RALGAPA2: variants seen among roughly 807,000 people sequenced by gnomAD.
The protein encoded by RALGAPA2 is ral GTPase-activating protein subunit alpha-2.
RALGAPA2 carries 139 observed loss-of-function variants against 230.4 expected under a neutral mutation model. That is an observed-to-expected ratio of 0.60 (90% CI 0.53 to 0.69). RALGAPA2 has a LOEUF of 0.69. Ranked by LOEUF, RALGAPA2 falls within the 30% of genes least tolerant of loss-of-function variation. RALGAPA2 has a pLI of 0.00. For synonymous variants in RALGAPA2, 847 were observed against 837.8 expected (o/e 1.01, Z -0.19); for missense variants, 2,163 against 2,276.0 (o/e 0.95, Z 1.01).
At chr20:20,480,035 C>T (rs1051593599) in intron 36 of RALGAPA2, among the ~76,000 whole-genome samples, 45 of 152,180 alleles carry the variant, frequency 3.0e-4, no homozygotes, top group African/African-American at 1.1e-3. Context: ...ATAGATCTAA[C>T]AAGGAAAGTA....
intron 1 of RALGAPA2, among the ~76,000 whole-genome samples, chr20:20,704,214 G>A (rs1413111745): frequency 2.0e-5 from 3 of 152,198 alleles, no homozygotes; most frequent in Non-Finnish European, 2.9e-5. Flanking sequence ...AGAGGAAGAG[G>A]TGTCCCTCTT....
chr20:20,583,637 C>A (rs1456271063), intron 19 of RALGAPA2, among the ~76,000 whole-genome samples: 2 of 152,152 alleles, frequency 1.3e-5, no homozygotes, highest in African/African-American at 2.4e-5. Flanking sequence ...TCTAAAGATG[C>A]TGTATGCCCC....
intron 1 of RALGAPA2, among the ~76,000 whole-genome samples, chr20:20,688,215 A>G (rs538260331): frequency 6.6e-6 from 1 of 152,216 alleles, no homozygotes; most frequent in East Asian, 1.9e-4. Flanking sequence ...TGTCTCCTGG[A>G]GAATCACTTG....
intron 13 of RALGAPA2, among the ~76,000 whole-genome samples, chr20:20,611,734 C>G (rs960047101): frequency 2.6e-5 from 4 of 152,198 alleles, no homozygotes; most frequent in Admixed American, 2.6e-4. Context: ...ACTGTGCCAG[C>G]AGCTTAAAGG....
chr20:20,675,487 C>T (rs1321481724), intron 3 of RALGAPA2, among the ~76,000 whole-genome samples: 2 of 152,178 alleles, frequency 1.3e-5, no homozygotes, highest in African/African-American at 4.8e-5. Flanking sequence ...TCTTCTCACA[C>T]TAACCTAAGC....
rs571358561 is a variant in RALGAPA2 at position 20,481,666 on chromosome 20, C to T, written c.5368-8710G>A. Among the ~76,000 whole-genome samples the T allele has an allele frequency of 3.3e-5, 5 of 152,274 alleles. No homozygotes were observed. In the South Asian group the frequency reaches 8.3e-4, roughly 25 times the overall value. ...CACACATATACCTATAATGTGAACA[C>T]AGGATGTGTACACAGAATATAAAAA... On this transcript the variant is annotated intron_variant, in intron 36 of 39. Transcript: ENST00000202677.
intron 37 of RALGAPA2, among the ~76,000 whole-genome samples, chr20:20,422,616 C>T (rs1046482727): frequency 6.6e-6 from 1 of 152,136 alleles, no homozygotes; most frequent in Non-Finnish European, 1.5e-5. Context: ...GCAGTGCACA[C>T]TATGTACTGT....
chr20:20,392,204 A>C lies in RALGAPA2; in HGVS notation c.*1085T>G, dbSNP rs1451197796. 2 of 152,262 alleles carry C rather than the reference A, an allele frequency of 1.3e-5. No individual in the cohort carries two copies. The highest frequency in any genetic ancestry group is 2.9e-5 in the Non-Finnish European group (2 of 68,054). 9.4% of individuals were successfully genotyped at this position (152,262 alleles called of 1,614,324 possible). A position where few individuals can be genotyped will look rare whatever the true frequency, so the allele number is the denominator to read the frequency against. ...TTTTTAAGAAAAAAAAACAACAACA[A>C]CAAAAAAACAGGTCTAATAAGCCTT... On this transcript the variant is annotated 3_prime_UTR_variant, in exon 40 of 40. Transcript: ENST00000202677.
chr20:20,619,468 C>T (rs1017192326), intron 11 of RALGAPA2, 54 bp from the exon 12 acceptor site: 7 of 1,309,540 alleles, frequency 5.3e-6, no homozygotes, highest in Middle Eastern at 2.0e-4. Flanking sequence ...GTTTAACTTG[C>T]ATTTAACTAT....
chr20:20,653,326 T>C (rs1246350745), intron 4 of RALGAPA2, among the ~76,000 whole-genome samples: 2 of 150,646 alleles, frequency 1.3e-5, no homozygotes, highest in Non-Finnish European at 3.0e-5. Context: ...TGAACTATAC[T>C]CTAAGGAGCA....
chr20:20,627,565 C>A (rs1293028488), intron 10 of RALGAPA2, among the ~76,000 whole-genome samples: 2 of 152,178 alleles, frequency 1.3e-5, no homozygotes, highest in Non-Finnish European at 2.9e-5. Flanking sequence ...TTAGTTAGGT[C>A]TAAAAGCCCT....
At chr20:20,618,116 C>T (rs1159871452) in intron 12 of RALGAPA2, among the ~76,000 whole-genome samples, 2 of 152,256 alleles carry the variant, frequency 1.3e-5, no homozygotes, top group East Asian at 1.9e-4. Flanking sequence ...TTAAAGTCGC[C>T]ATTTCCAAGA....
At chr20:20,556,470 C>T (rs1004067086) in intron 23 of RALGAPA2, among the ~76,000 whole-genome samples, 1 of 152,132 alleles carries the variant, frequency 6.6e-6, no homozygotes, top group African/African-American at 2.4e-5. Flanking sequence ...CCAGCTGCAC[C>T]AATAGTGCCT....
intron 4 of RALGAPA2, among the ~76,000 whole-genome samples, chr20:20,645,759 T>C (rs569370985): frequency 1.3e-5 from 2 of 152,318 alleles, no homozygotes; most frequent in South Asian, 4.1e-4. Context: ...TAACCTAAGT[T>C]AGTAACTTCA....
At chr20:20,582,161 AGTGT>A (rs35240382) in intron 20 of RALGAPA2, among the ~76,000 whole-genome samples, 1,930 of 146,122 alleles carry the variant, frequency 0.013, 36 homozygotes, top group African/African-American at 0.042. Context: ...AGTGTCACAC[AGTGT>A]GTGTGTGTGT....
At chr20:20,498,707 C>A (rs191299989) in intron 35 of RALGAPA2, among the ~76,000 whole-genome samples, 1 of 152,218 alleles carries the variant, frequency 6.6e-6, no homozygotes, top group Non-Finnish European at 1.5e-5. Context: ...CCTGCCAGAA[C>A]AGCGCTGCCT....
chr20:20,451,421 C>T (rs1299112217), intron 37 of RALGAPA2, among the ~76,000 whole-genome samples: 3 of 152,040 alleles, frequency 2.0e-5, no homozygotes, highest in African/African-American at 7.3e-5. Flanking sequence ...CTATATTACC[C>T]TCTTAGGTTG....
At chr20:20,503,291 T>C in intron 35 of RALGAPA2, 60 bp downstream of exon 35, 1 of 1,395,186 alleles carries the variant, frequency 7.2e-7, no homozygotes, top group Non-Finnish European at 9.7e-7. Context: ...TTGTCTGTCC[T>C]AGGAGAGCCT....
chr20:20,422,694 C>T (rs997113781), intron 37 of RALGAPA2, among the ~76,000 whole-genome samples: 8 of 152,198 alleles, frequency 5.3e-5, no homozygotes, highest in Admixed American at 1.3e-4. Flanking sequence ...GATGGCCTGG[C>T]ACAGCAAAAG....
Sources: allele counts gnomAD v4.1 joint callset (sites outside exome capture counted in the v4.1 genomes callset), GRCh38; gene constraint gnomAD v4.1.1; transcripts MANE v1.5; gene names NCBI Gene and HGNC (gene_info 2026-07-23, HGNC 2026-07-21).